The following NLRP1 variants were observed in gnomAD, a reference collection of about 807,000 sequenced individuals.
NLRP1 encodes the protein NLR family pyrin domain containing 1.
NLRP1 carries 94 observed loss-of-function variants against 136.7 expected under a neutral mutation model. The ratio of observed to expected loss-of-function variants is 0.69; its 90% CI spans 0.58 to 0.82. NLRP1 has a LOEUF of 0.82. Ranked by LOEUF, NLRP1 falls within the 40% of genes least tolerant of loss-of-function variation. The pLI is 0.00. For missense variants in NLRP1, 1,575 were observed against 1,802.7 expected (o/e 0.87, Z 2.29); for synonymous variants, 690 against 725.1 (o/e 0.95, Z 0.78).
At chr17:5,558,057 A>ATGGACGGTCATTCTAAGGG (rs1418206348) in intron 4 of NLRP1, among the ~76,000 whole-genome samples, 5 of 151,966 alleles carry the variant, frequency 3.3e-5, no homozygotes, top group Admixed American at 3.3e-4. Context: ...AGGAGAGAAG[A>ATGGACGGTCATTCTAAGGG]TGGACGGTCA....
At chr17:5,505,124 C>A (rs771519981) in intron 15 of NLRP1, 2 of 152,242 alleles carry the variant, frequency 1.3e-5, no homozygotes, top group African/African-American at 4.8e-5. Context: ...CCCCTTTCCA[C>A]AGGTCCTCTA....
chr17:5,578,019 CTATT>C (rs1371543402), intron 3 of NLRP1, among the ~76,000 whole-genome samples: 1 of 152,230 alleles, frequency 6.6e-6, no homozygotes, highest in Non-Finnish European at 1.5e-5. Flanking sequence ...AAAGGATTCC[CTATT>C]TAATAAATGG....
rs1406951984 is a variant in NLRP1 at position 5,532,888 on chromosome 17, T to G, written c.3230A>C (p.Asp1077Ala). 3 of 1,613,624 alleles carry G rather than the reference T, an allele frequency of 1.9e-6. No individual in the cohort carries two copies. The African/African-American group carries it at 4.0e-5, about 22-fold the overall frequency. ...AGGCCCCGTGGGGCCCCAGAAGTCA[T>G]CGTCAGTCCCCAAAGGCTTCGTATG... ...DLHTKPLGTD[D>A]DFWGPTGPVA... The change falls in exon 11 of 17, where the codon GAT (aspartate) becomes GCT (alanine). Residue 1077 changes from aspartate (D) to alanine (A), a missense_variant. Coordinates refer to ENST00000572272, the MANE Select transcript of NLRP1 (RefSeq NM_033004.4).
chr17:5,565,462 T>A (rs974798899), intron 3 of NLRP1, among the ~76,000 whole-genome samples: 1 of 152,234 alleles, frequency 6.6e-6, no homozygotes, highest in Non-Finnish European at 1.5e-5. Context: ...ATTGTATCCC[T>A]CACTGTGCAG....
At chr17:5,565,346 A>G (rs1366924645) in intron 3 of NLRP1, among the ~76,000 whole-genome samples, 1 of 152,150 alleles carries the variant, frequency 6.6e-6, no homozygotes, top group Non-Finnish European at 1.5e-5. Flanking sequence ...ATTTTTTCCT[A>G]TAGAGTCATT....
chr17:5,529,429 G>A (rs985631077), intron 12 of NLRP1, among the ~76,000 whole-genome samples: 4 of 149,322 alleles, frequency 2.7e-5, no homozygotes, highest in Non-Finnish European at 4.4e-5. Context: ...GTGCAGTGGT[G>A]CGATCTTGGC....
rs1567639257 is a variant in NLRP1 at position 5,530,692 on chromosome 17, A to G, written c.3309T>C (p.Pro1103=). 4 of 1,613,952 alleles carry G rather than the reference A, an allele frequency of 2.5e-6. No homozygotes were observed. The highest frequency in any genetic ancestry group is 2.5e-6 in the Non-Finnish European group (3 of 1,179,918). Reference sequence around the variant, plus strand: ...TGGGCCAGCGGTAGGAGCCAGCTACAGGGAAGTGAACTCTGGGAAGAAGAG... The same window carrying G: ...TGGGCCAGCGGTAGGAGCCAGCTACGGGGAAGTGAACTCTGGGAAGAAGAG... ...KEKNLYRVHF[P]VAGSYRWPNT... is the part of the protein sequence containing the mutation. The change falls in exon 12 of 17, where the codon CCT becomes CCC. Residue 1103 remains proline (P), a synonymous_variant. Transcript: ENST00000572272.
chr17:5,577,468 AACAG>A (rs890978594), intron 3 of NLRP1, among the ~76,000 whole-genome samples: 8 of 152,222 alleles, frequency 5.3e-5, no homozygotes, highest in East Asian at 1.9e-4. Context: ...ACACACCAAT[AACAG>A]ACAGAGAACC....
rs368393954 is a variant in NLRP1, at chr17:5,571,062, C to G, written c.652+10797G>C. 4.6e-5 allele frequency among the ~76,000 whole-genome samples: 7 copies of G among 152,250 alleles called. No individual in the cohort carries two copies. In the East Asian group the frequency reaches 1.4e-3, roughly 29 times the overall value. ...AAAGCATTTGATAAAATTCAACATCCTTCAATGTTAAAACTCTCAACAAAC... is the reference window on the plus strand; with the variant it reads ...AAAGCATTTGATAAAATTCAACATCGTTCAATGTTAAAACTCTCAACAAAC... On this transcript the variant is annotated intron_variant, in intron 3 of 16. Coordinates refer to ENST00000572272, the MANE Select transcript of NLRP1 (RefSeq NM_033004.4).
intron 12 of NLRP1, among the ~76,000 whole-genome samples, chr17:5,522,574 A>G (rs1234471796): frequency 6.6e-6 from 1 of 152,208 alleles, no homozygotes; most frequent in African/African-American, 2.4e-5. Context: ...CAGCCTGAAC[A>G]GGCTAAGACA....
chr17:5,552,554 C>G (rs193171128), intron 5 of NLRP1, among the ~76,000 whole-genome samples: 2 of 152,146 alleles, frequency 1.3e-5, no homozygotes, highest in East Asian at 3.9e-4. Context: ...TATTCCCCAT[C>G]TTGATGAAGA....
intron 12 of NLRP1, among the ~76,000 whole-genome samples, chr17:5,522,673 T>C (rs965423788): frequency 2.6e-5 from 4 of 152,186 alleles, no homozygotes; most frequent in Non-Finnish European, 4.4e-5. Flanking sequence ...TTAGCAGTGC[T>C]GAACTCCTAA....
At chr17:5,563,765 T>C (rs1915014646) in intron 3 of NLRP1, among the ~76,000 whole-genome samples, 1 of 152,184 alleles carries the variant, frequency 6.6e-6, no homozygotes, top group Admixed American at 6.5e-5. Flanking sequence ...ATTCAGGAAA[T>C]GCAAAGAATC....
intron 4 of NLRP1, among the ~76,000 whole-genome samples, chr17:5,556,626 ATT>A (rs35933109): frequency 6.8e-6 from 1 of 146,694 alleles, no homozygotes; most frequent in Non-Finnish European, 1.5e-5. Flanking sequence ...TTGACCACTA[ATT>A]TTTTTTTTTT....
intron 11 of NLRP1, 71 bp downstream of exon 11, chr17:5,532,747 ACTGT>A: frequency 1.5e-6 from 2 of 1,370,132 alleles, no homozygotes; most frequent in Non-Finnish European, 9.8e-7. Flanking sequence ...GGTGGCGCTG[ACTGT>A]CTGTGGGGAC....
intron 3 of NLRP1, among the ~76,000 whole-genome samples, chr17:5,563,594 T>C (rs1299864400): frequency 6.6e-6 from 1 of 152,058 alleles, no homozygotes. Context: ...TGAAAACAAA[T>C]GAACAACACC....
intron 5 of NLRP1, among the ~76,000 whole-genome samples, chr17:5,544,958 G>A (rs9904306): frequency 0.31 from 46,707 of 151,960 alleles, 8,316 homozygotes; most frequent in Non-Finnish European, 0.4. Context: ...GGGAGCGGCT[G>A]TGTGTGAGGG....
chr17:5,518,012 A>C (rs924043737), intron 14 of NLRP1, 125 bp from the exon 15 acceptor site: 1 of 847,302 alleles, frequency 1.2e-6, no homozygotes, highest in African/African-American at 1.7e-5. Flanking sequence ...TACTGAAATC[A>C]ACCATCACCT....
In NLRP1 at chr17:5,558,983, G is replaced by A; in HGVS notation, c.1713C>T (p.Leu571=). 6.2e-7 allele frequency: 1 copy of A among 1,614,176 alleles called. No individual in the cohort carries two copies. Among genetic ancestry groups the A allele is most frequent in the South Asian group, 1.1e-5 (1 of 91,080 alleles). Residue 571 remains leucine (L), a synonymous_variant, in exon 4 of 17, where the codon CTC becomes CTT. Coordinates refer to ENST00000572272, the MANE Select transcript of NLRP1 (RefSeq NM_033004.4). ...AGATGCCCTCAGCAGCCAGAGAGCA[G>A]AGGTCTCTGAGCTGGGGTCCCAATG... The part of the protein sequence containing the change: ...AQPLGPQLRD[L]CSLAAEGIWQ...
Sources: gnomAD v4.1 joint callset for allele counts (sites outside exome capture counted in the v4.1 genomes callset) on GRCh38, gnomAD v4.1.1 for gene constraint, MANE v1.5 for transcripts, NCBI Gene and HGNC (gene_info 2026-07-23, HGNC 2026-07-21) for gene names.